HS6ST3: variants seen among roughly 807,000 people sequenced by gnomAD.
The protein encoded by HS6ST3 is heparan-sulfate 6-O-sulfotransferase 3.
Under a neutral mutation model 36.7 loss-of-function variants are expected in HS6ST3, and 12 were observed. The observed-to-expected ratio is 0.33, with a 90% confidence interval of 0.21 to 0.53. The LOEUF (loss-of-function observed/expected upper bound fraction) is 0.53. Among genes scored for constraint, HS6ST3 ranks in the 20% least tolerant of loss-of-function variants. The pLI is 0.95. For missense variants in HS6ST3, 584 were observed against 640.9 expected (o/e 0.91, Z 0.96); for synonymous variants, 240 against 257.5 (o/e 0.93, Z 0.65).
chr13:96,457,832 A>AT lies in HS6ST3; in HGVS notation c.707+366271dup, dbSNP rs1235626268. ...CTTAAGATATAAATTGCATGTAGGC[A>AT]TTTTTTTTCCAAGAAAACTTGTTTT... On this transcript the variant is annotated intron_variant, in intron 1 of 1. Transcript: ENST00000376705. Among the ~76,000 whole-genome samples the AT allele has an allele frequency of 5.3e-5, 8 of 152,076 alleles. No individual in the cohort carries two copies. The East Asian group carries it at 7.7e-4, about 15-fold the overall frequency.
intron 1 of HS6ST3, among the ~76,000 whole-genome samples, chr13:96,661,165 A>G (rs983555217): frequency 6.6e-6 from 1 of 152,064 alleles, no homozygotes; most frequent in African/African-American, 2.4e-5. Flanking sequence ...CTTGCTCCTC[A>G]ACTTGCAGAT....
intron 1 of HS6ST3, among the ~76,000 whole-genome samples, chr13:96,325,737 T>A (rs1032829959): frequency 6.6e-6 from 1 of 151,978 alleles, no homozygotes; most frequent in Non-Finnish European, 1.5e-5. Flanking sequence ...ATGAATGGAG[T>A]CTGGAAAAAA....
chr13:96,279,958 A>G (rs1238350453), intron 1 of HS6ST3, among the ~76,000 whole-genome samples: 6 of 152,216 alleles, frequency 3.9e-5, no homozygotes, highest in Non-Finnish European at 8.8e-5. Flanking sequence ...TGTATAAAAA[A>G]TGGCAAGGGA....
chr13:96,542,248 A>G (rs1239224504), intron 1 of HS6ST3, among the ~76,000 whole-genome samples: 1 of 152,210 alleles, frequency 6.6e-6, no homozygotes, highest in Non-Finnish European at 1.5e-5. Flanking sequence ...ACCATTACCC[A>G]TAGATAGAGT....
intron 1 of HS6ST3, among the ~76,000 whole-genome samples, chr13:96,830,352 C>T (rs1263555724): frequency 1.3e-5 from 2 of 152,108 alleles, no homozygotes; most frequent in African/African-American, 2.4e-5. Flanking sequence ...CAAATGCATG[C>T]CCTAACAACA....
intron 1 of HS6ST3, among the ~76,000 whole-genome samples, chr13:96,174,883 ATGG>A (rs2054205255): frequency 6.6e-6 from 1 of 152,100 alleles, no homozygotes; most frequent in Non-Finnish European, 1.5e-5. Flanking sequence ...AATTTAGGCC[ATGG>A]CTTTTGGGTA....
At chr13:96,104,376 T>A (rs1308770143) in intron 1 of HS6ST3, among the ~76,000 whole-genome samples, 1 of 152,160 alleles carries the variant, frequency 6.6e-6, no homozygotes, top group Non-Finnish European at 1.5e-5. Context: ...CTGGAATACA[T>A]GGAACTTCTG....
intron 1 of HS6ST3, among the ~76,000 whole-genome samples, chr13:96,135,473 T>C (rs1388954677): frequency 6.6e-6 from 1 of 152,054 alleles, no homozygotes; most frequent in Non-Finnish European, 1.5e-5. Flanking sequence ...TTGAGTCTAA[T>C]TATAAGAGGA....
At chr13:96,584,808 G>A (rs1299792061) in intron 1 of HS6ST3, among the ~76,000 whole-genome samples, 1 of 152,164 alleles carries the variant, frequency 6.6e-6, no homozygotes, top group African/African-American at 2.4e-5. Flanking sequence ...GCATGGGACA[G>A]TCCCATACAA....
At chr13:96,734,074 A>C (rs1876223005) in intron 1 of HS6ST3, among the ~76,000 whole-genome samples, 1 of 152,200 alleles carries the variant, frequency 6.6e-6, no homozygotes, top group South Asian at 2.1e-4. Flanking sequence ...TGGGATTTCT[A>C]ACTGCCCTTG....
At chr13:96,706,727 A>AT (rs888852479) in intron 1 of HS6ST3, among the ~76,000 whole-genome samples, 1 of 151,938 alleles carries the variant, frequency 6.6e-6, no homozygotes, top group Non-Finnish European at 1.5e-5. Flanking sequence ...CCACGTAGAC[A>AT]TTTTTTTAAA....
chr13:96,761,718 A>G (rs1301930678), intron 1 of HS6ST3, among the ~76,000 whole-genome samples: 1 of 152,210 alleles, frequency 6.6e-6, no homozygotes, highest in Non-Finnish European at 1.5e-5. Context: ...TTTTGAGAAT[A>G]TTCATTTACA....
chr13:96,166,315 C>T (rs2054160002), intron 1 of HS6ST3, among the ~76,000 whole-genome samples: 1 of 152,026 alleles, frequency 6.6e-6, no homozygotes, highest in South Asian at 2.1e-4. Flanking sequence ...TCTCATACTG[C>T]TCTGACCCCT....
At chr13:96,806,001 G>T (rs991107243) in intron 1 of HS6ST3, among the ~76,000 whole-genome samples, 4 of 152,172 alleles carry the variant, frequency 2.6e-5, no homozygotes, top group African/African-American at 9.7e-5. Flanking sequence ...GGATAGTGCT[G>T]TTCTCCAAGG....
intron 1 of HS6ST3, among the ~76,000 whole-genome samples, chr13:96,511,373 G>C (rs1040514991): frequency 6.6e-6 from 1 of 152,060 alleles, no homozygotes; most frequent in African/African-American, 2.4e-5. Flanking sequence ...CATCAGTGCA[G>C]GAGGATTCCC....
chr13:96,235,088 G>C (rs1374271274), intron 1 of HS6ST3, among the ~76,000 whole-genome samples: 1 of 152,058 alleles, frequency 6.6e-6, no homozygotes, highest in African/African-American at 2.4e-5. Flanking sequence ...GTGATACCAT[G>C]CATTTATTAA....
chr13:96,733,873 C>T (rs1354188072), intron 1 of HS6ST3, among the ~76,000 whole-genome samples: 1 of 152,190 alleles, frequency 6.6e-6, no homozygotes, highest in Admixed American at 6.5e-5. Context: ...GTATCTAGTC[C>T]CATTGCCCCT....
intron 1 of HS6ST3, among the ~76,000 whole-genome samples, chr13:96,590,053 G>A (rs1328274835): frequency 6.6e-6 from 1 of 152,072 alleles, no homozygotes; most frequent in African/African-American, 2.4e-5. Context: ...CTTTGTGTAT[G>A]TGTACTGTGT....
At chr13:96,260,859 C>T (rs1044682005) in intron 1 of HS6ST3, among the ~76,000 whole-genome samples, 6 of 151,832 alleles carry the variant, frequency 4.0e-5, no homozygotes, top group East Asian at 1.9e-4. Context: ...AGGCTGGTCG[C>T]GAACTTCTGG....
Sources: gnomAD v4.1 joint callset for allele counts (sites outside exome capture counted in the v4.1 genomes callset) on GRCh38, gnomAD v4.1.1 for gene constraint, MANE v1.5 for transcripts, NCBI Gene and HGNC (gene_info 2026-07-23, HGNC 2026-07-21) for gene names.